DAPL1: variants seen among roughly 807,000 people sequenced by gnomAD.
DAPL1 encodes the protein death-associated protein-like 1.
Under a neutral mutation model 12.9 loss-of-function variants are expected in DAPL1, and 17 were observed. The ratio of observed to expected loss-of-function variants is 1.32; its 90% CI spans 0.90 to 1.98. The LOEUF (loss-of-function observed/expected upper bound fraction) is 1.98. DAPL1 is among the 30% of genes most tolerant of loss of function. The pLI is 0.00. For synonymous variants in DAPL1, 51 were observed against 42.0 expected, an observed-to-expected ratio of 1.21 and a Z score of -0.82; for missense variants, 157 against 125.7, an observed-to-expected ratio of 1.25 and a Z score of -1.19.
chr2:158,795,959 C>T lies in DAPL1; in HGVS notation c.58+529C>T, dbSNP rs144476429. Among the ~76,000 whole-genome samples, 389 of 152,284 alleles carry T rather than the reference C, an allele frequency of 2.6e-3. 1 individual carries two copies. The highest frequency in any genetic ancestry group is 3.4e-3 in the Middle Eastern group (1 of 292). On this transcript the variant is annotated intron_variant, in intron 1 of 3. Coordinates refer to ENST00000309950, the MANE Select transcript of DAPL1 (RefSeq NM_001017920.3). ...CTTTGGGGATGTATTTACCTGTCAA[C>T]AAGCTGAGAAGTACTTTTAAATAAA...
At chr2:158,796,866 A>C (rs1040768560) in intron 1 of DAPL1, among the ~76,000 whole-genome samples, 1 of 152,202 alleles carries the variant, frequency 6.6e-6, no homozygotes, top group East Asian at 1.9e-4. Context: ...TGGCATGACA[A>C]TTAATTATTA....
chr2:158,800,919 A>C (rs1476330478), intron 1 of DAPL1, among the ~76,000 whole-genome samples: 1 of 152,154 alleles, frequency 6.6e-6, no homozygotes, highest in Admixed American at 6.5e-5. Context: ...AGCTCCCTGC[A>C]ACCTCTGCCT....
At chr2:158,813,194 T>A in intron 3 of DAPL1, among the ~76,000 whole-genome samples, 1 of 152,118 alleles carries the variant, frequency 6.6e-6, no homozygotes, top group Admixed American at 6.5e-5. Context: ...GATTCATAGT[T>A]ATAGAAAGTA....
intron 1 of DAPL1, among the ~76,000 whole-genome samples, chr2:158,798,941 T>G (rs2059150177): frequency 6.6e-6 from 1 of 152,190 alleles, no homozygotes; most frequent in South Asian, 2.1e-4. Context: ...GGAAAAAGCC[T>G]AATTTTTTTG....
At chr2:158,810,697 T>C (rs2059225811) in intron 3 of DAPL1, among the ~76,000 whole-genome samples, 1 of 152,156 alleles carries the variant, frequency 6.6e-6, no homozygotes, top group African/African-American at 2.4e-5. Flanking sequence ...CTACCTCATT[T>C]CTGCTTTCCT....
intron 1 of DAPL1, among the ~76,000 whole-genome samples, chr2:158,798,398 G>A (rs1050122801): frequency 6.6e-6 from 1 of 152,204 alleles, no homozygotes; most frequent in South Asian, 2.1e-4. Flanking sequence ...CAACTTGGGG[G>A]CATTGGAACA....
intron 2 of DAPL1, among the ~76,000 whole-genome samples, chr2:158,806,544 A>T (rs1365696647): frequency 6.6e-6 from 1 of 152,170 alleles, no homozygotes; most frequent in East Asian, 1.9e-4. Flanking sequence ...AAAAAGGTAA[A>T]AAAAAAATGG....
intron 1 of DAPL1, among the ~76,000 whole-genome samples, chr2:158,795,827 G>A (rs758395645): frequency 6.6e-6 from 1 of 152,188 alleles, no homozygotes; most frequent in Non-Finnish European, 1.5e-5. Context: ...GGTTCCAGCT[G>A]TAAGACTCAG....
intron 3 of DAPL1, 43 bp from the exon 4 acceptor site, chr2:158,815,662 G>A: frequency 8.3e-7 from 1 of 1,200,448 alleles, no homozygotes; most frequent in Non-Finnish European, 1.2e-6. Flanking sequence ...TCATGACCAA[G>A]AAGATCCAAT....
chr2:158,799,898 A>G (rs2059157338), intron 1 of DAPL1, among the ~76,000 whole-genome samples: 1 of 151,978 alleles, frequency 6.6e-6, no homozygotes, highest in Non-Finnish European at 1.5e-5. Flanking sequence ...AGGATGAGGA[A>G]TTCCCATGTT....
intron 1 of DAPL1, among the ~76,000 whole-genome samples, chr2:158,801,212 G>T (rs1352551447): frequency 6.6e-6 from 1 of 152,176 alleles, no homozygotes; most frequent in East Asian, 1.9e-4. Context: ...CCAGGTAGAA[G>T]AAAATGTGTA....
chr2:158,799,665 A>C (rs957131965), intron 1 of DAPL1, among the ~76,000 whole-genome samples: 11 of 152,080 alleles, frequency 7.2e-5, no homozygotes, highest in African/African-American at 2.4e-4. Context: ...GCTTCTTTCT[A>C]CTGTACATAG....
intron 3 of DAPL1, among the ~76,000 whole-genome samples, chr2:158,812,600 C>A (rs1053700196): frequency 6.6e-6 from 1 of 152,016 alleles, no homozygotes; most frequent in Non-Finnish European, 1.5e-5. Context: ...TCGAGACCAG[C>A]CTGGGCAACA....
In DAPL1 at chr2:158,806,205, T is replaced by G. The variant is rs974747171; in HGVS notation, c.147-850T>G. Among the ~76,000 whole-genome samples, 2 of 144,874 alleles carry G rather than the reference T, an allele frequency of 1.4e-5. 1 individual carries two copies. The highest frequency in any genetic ancestry group is 3.1e-5 in the Non-Finnish European group (2 of 64,386). On this transcript the variant is annotated intron_variant, in intron 2 of 3. Transcript: ENST00000309950. The stretch of plus-strand genomic sequence containing the variant: ...TCATCAATCCATGTCCACTTCCTAA[T>G]AGCTTCTACAAACCAACACAAACCA...
intron 1 of DAPL1, among the ~76,000 whole-genome samples, chr2:158,796,006 G>A (rs2059132537): frequency 1.3e-5 from 2 of 152,252 alleles, no homozygotes; most frequent in African/African-American, 4.8e-5. Flanking sequence ...TGAGGAGGCT[G>A]ACTGGAAAAA....
intron 3 of DAPL1, among the ~76,000 whole-genome samples, chr2:158,808,401 T>A (rs568585237): frequency 6.6e-6 from 1 of 152,198 alleles, no homozygotes; most frequent in Non-Finnish European, 1.5e-5. Flanking sequence ...GTGGAGACAA[T>A]GAGCTCACAT....
intron 2 of DAPL1, among the ~76,000 whole-genome samples, chr2:158,805,134 A>G (rs1559043430): frequency 6.6e-6 from 1 of 152,252 alleles, no homozygotes; most frequent in Non-Finnish European, 1.5e-5. Context: ...AGGATGCTCC[A>G]GGCACCTCCA....
chr2:158,799,268 T>C (rs1369672514), intron 1 of DAPL1, among the ~76,000 whole-genome samples: 2 of 152,212 alleles, frequency 1.3e-5, no homozygotes, highest in Non-Finnish European at 2.9e-5. Flanking sequence ...CTCAACATCC[T>C]GTTAAAATGT....
At chr2:158,807,954 T>C (rs985793945) in intron 3 of DAPL1, among the ~76,000 whole-genome samples, 2 of 152,234 alleles carry the variant, frequency 1.3e-5, no homozygotes, top group African/African-American at 2.4e-5. Flanking sequence ...CCATATGTCC[T>C]GAATTCCTTC....
Sources: gnomAD v4.1 joint callset for allele counts (sites outside exome capture counted in the v4.1 genomes callset) on GRCh38, gnomAD v4.1.1 for gene constraint, MANE v1.5 for transcripts, NCBI Gene and HGNC (gene_info 2026-07-23, HGNC 2026-07-21) for gene names.